PLCE1: variants seen among roughly 807,000 people sequenced by gnomAD.
The protein encoded by PLCE1 is phospholipase C epsilon 1, also known as 1-phosphatidylinositol 4,5-bisphosphate phosphodiesterase epsilon-1.
PLCE1 carries 119 observed loss-of-function variants against 242.8 expected under a neutral mutation model. That is an observed-to-expected ratio of 0.49 (90% CI 0.42 to 0.57). PLCE1 has a LOEUF of 0.57. PLCE1 is among the 20% of genes least tolerant of loss of function. The pLI is 0.00. For synonymous variants in PLCE1, 945 were observed against 1,017.4 expected, an observed-to-expected ratio of 0.93 and a Z score of 1.35; for missense variants, 2,441 against 2,788.8, an observed-to-expected ratio of 0.88 and a Z score of 2.81.
intron 2 of PLCE1, among the ~76,000 whole-genome samples, chr10:94,109,880 A>G (rs1254076626): frequency 1.4e-5 from 2 of 143,974 alleles, no homozygotes; most frequent in Non-Finnish European, 3.0e-5. Context: ...GGCTCCTTTG[A>G]TGTTCCTCAG....
At chr10:94,121,799 A>T (rs149589366) in intron 2 of PLCE1, among the ~76,000 whole-genome samples, 1 of 152,100 alleles carries the variant, frequency 6.6e-6, no homozygotes, top group East Asian at 1.9e-4. Flanking sequence ...AGAGCAATAT[A>T]TTCTAGGAGG....
chr10:94,153,075 G>A (rs1161313310), intron 3 of PLCE1, among the ~76,000 whole-genome samples: 1 of 152,012 alleles, frequency 6.6e-6, no homozygotes, highest in Non-Finnish European at 1.5e-5. Context: ...ATATCAGATT[G>A]TTTATGATAT....
intron 2 of PLCE1, among the ~76,000 whole-genome samples, chr10:94,049,961 G>A (rs1589918604): frequency 6.6e-6 from 1 of 152,108 alleles, no homozygotes; most frequent in East Asian, 1.9e-4. Flanking sequence ...CATTCTCATT[G>A]CTATTTCCCA....
chr10:94,269,094 C>CT (rs71031565), intron 17 of PLCE1, 58 bp downstream of exon 17: 18,335 of 302,838 alleles, frequency 0.061, 159 homozygotes, highest in African/African-American at 0.093. Context: ...CTTCATTTGT[C>CT]TTTTTTTTTT....
At chr10:94,001,154 T>C (rs1302826632) in intron 1 of PLCE1, among the ~76,000 whole-genome samples, 2 of 152,198 alleles carry the variant, frequency 1.3e-5, no homozygotes, top group Non-Finnish European at 2.9e-5. Flanking sequence ...GGAAGATATC[T>C]GGGGAAAATA....
chr10:94,205,823 G>A (rs1055002481), intron 4 of PLCE1, among the ~76,000 whole-genome samples: 3 of 152,208 alleles, frequency 2.0e-5, no homozygotes, highest in Admixed American at 6.5e-5. Flanking sequence ...TCCTCCTGTC[G>A]TCAGTTGGCC....
At chr10:94,091,067 G>A (rs1446045433) in intron 2 of PLCE1, among the ~76,000 whole-genome samples, 1 of 152,104 alleles carries the variant, frequency 6.6e-6, no homozygotes, top group Non-Finnish European at 1.5e-5. Context: ...TTTTTTGTCA[G>A]TGTATTACAT....
intron 2 of PLCE1, among the ~76,000 whole-genome samples, chr10:94,053,937 G>C (rs1456335471): frequency 6.6e-6 from 1 of 152,156 alleles, no homozygotes; most frequent in East Asian, 1.9e-4. Context: ...AAATGGTTCA[G>C]AACATGAGAT....
At chr10:94,062,559 T>A (rs920883791) in intron 2 of PLCE1, among the ~76,000 whole-genome samples, 1 of 150,320 alleles carries the variant, frequency 6.7e-6, no homozygotes, top group Admixed American at 6.7e-5. Flanking sequence ...TCAATAAGTG[T>A]TAGTTATTGG....
rs1421030425 is a variant in PLCE1 at position 94,132,334 on chromosome 10, C to A, written c.1367C>A (p.Thr456Asn). 1 of 1,613,942 alleles carries A rather than the reference C, an allele frequency of 6.2e-7. No individual in the cohort carries two copies. The highest frequency in any genetic ancestry group is 1.7e-5 in the Admixed American group (1 of 59,980). ...GACACTGTATGTGAGTATCGCGCCA[C>A]CCTCCAAAGGACTTCAATATCGCAG... ...VRDTVCEYRA[T>N]LQRTSISQYI... The change falls in exon 3 of 33, where the codon ACC (threonine) becomes AAC (asparagine). Residue 456 changes from threonine (T) to asparagine (N), a missense_variant. Physicochemically the swap from Thr to Asn is moderately conservative, Grantham distance 65. This residue lies in a region of PLCE1 where 733 missense variants were observed against 754.2 expected (regional missense o/e 0.97). Coordinates refer to ENST00000371380, the MANE Select transcript of PLCE1 (RefSeq NM_016341.4).
At chr10:94,254,425 G>T in intron 10 of PLCE1, 118 bp downstream of exon 10, 1 of 760,872 alleles carries the variant, frequency 1.3e-6, no homozygotes, top group Admixed American at 2.0e-5. Context: ...AAAACTCTTT[G>T]TCCTAACCAG....
At chr10:94,143,952 G>A (rs1468609601) in intron 3 of PLCE1, among the ~76,000 whole-genome samples, 1 of 152,228 alleles carries the variant, frequency 6.6e-6, no homozygotes, top group Non-Finnish European at 1.5e-5. Context: ...CACCCTGTGT[G>A]ACAGTAGCGG....
At chr10:94,228,529 T>C (rs2050026256) in intron 5 of PLCE1, among the ~76,000 whole-genome samples, 2 of 152,200 alleles carry the variant, frequency 1.3e-5, no homozygotes, top group South Asian at 4.1e-4. Context: ...AGAGAAGCTA[T>C]TGATATTGTT....
chr10:94,120,035 TAGGACCTCCC>T (rs918746712), intron 2 of PLCE1, among the ~76,000 whole-genome samples: 2 of 152,162 alleles, frequency 1.3e-5, no homozygotes, highest in African/African-American at 2.4e-5. Context: ...AGCTATTGCT[TAGGACCTCCC>T]AGGGCCTGCC....
intron 3 of PLCE1, chr10:94,138,315 C>G (rs573443540): frequency 8.5e-6 from 3 of 354,196 alleles, no homozygotes; most frequent in South Asian, 2.6e-5. Context: ...ATGGAAGAGG[C>G]CTTCTATGCC....
At chr10:94,025,755 TATG>T (rs1024397287) in intron 1 of PLCE1, among the ~76,000 whole-genome samples, 12 of 152,176 alleles carry the variant, frequency 7.9e-5, no homozygotes, top group African/African-American at 2.9e-4. Context: ...TTTGAAAGAA[TATG>T]AGATGAGCCC....
chr10:94,277,233 C>CA (rs1263830740), intron 19 of PLCE1, among the ~76,000 whole-genome samples: 2 of 152,060 alleles, frequency 1.3e-5, no homozygotes, highest in African/African-American at 2.4e-5. Flanking sequence ...AATTTGAACC[C>CA]AAAAAACTCA....
intron 2 of PLCE1, among the ~76,000 whole-genome samples, chr10:94,055,025 A>G (rs915222873): frequency 6.6e-6 from 1 of 151,458 alleles, no homozygotes; most frequent in African/African-American, 2.4e-5. Context: ...AAAAAAAAAA[A>G]AAAGAAAAAT....
At chr10:94,069,629 CAAACAAACAAAT>C (rs751306894) in intron 2 of PLCE1, among the ~76,000 whole-genome samples, 3 of 151,902 alleles carry the variant, frequency 2.0e-5, no homozygotes, top group Admixed American at 6.6e-5. Context: ...AACAAACAAA[CAAACAAACAAAT>C]AAACAGACTA....
Sources: allele counts gnomAD v4.1 joint callset (sites outside exome capture counted in the v4.1 genomes callset), GRCh38; gene constraint gnomAD v4.1.1; regional missense constraint gnomAD v4.1.1; transcripts MANE v1.5; gene names NCBI Gene and HGNC (gene_info 2026-07-23, HGNC 2026-07-21).